The following SRBD1 variants were observed in gnomAD, a reference collection of about 807,000 sequenced individuals.
SRBD1 encodes the protein S1 RNA-binding domain-containing protein 1.
In SRBD1, 88 loss-of-function variants were observed where a neutral mutation model predicts 115.3. The ratio of observed to expected loss-of-function variants is 0.76; its 90% CI spans 0.64 to 0.91. The LOEUF (loss-of-function observed/expected upper bound fraction) is 0.91. SRBD1 is among the 40% of genes least tolerant of loss of function. The probability of loss-of-function intolerance (pLI) is 0.00; values close to 1 mark genes in which losing one functional copy is unlikely to be tolerated. For missense variants in SRBD1, 1,385 were observed against 1,177.4 expected, an observed-to-expected ratio of 1.18 and a Z score of -2.58; for synonymous variants, 509 against 407.7, an observed-to-expected ratio of 1.25 and a Z score of -2.99.
chr2:45,393,061 G>GA lies in SRBD1; in HGVS notation c.2581dup (p.Ser861PhefsTer4), dbSNP rs1283685237. On this transcript the variant is annotated frameshift_variant, in exon 20 of 21. Coordinates refer to ENST00000263736, the MANE Select transcript of SRBD1 (RefSeq NM_018079.5). LOFTEE classifies it high-confidence loss of function. Reference sequence around the variant, plus strand: ...CTCCATTCCTTCCTTTTCAAGGAATGAATTTATTTTTTGTTGCATTTCAGG... The same window carrying GA: ...CTCCATTCCTTCCTTTTCAAGGAATGAAATTTATTTTTTGTTGCATTTCAGG... The GA allele has an allele frequency of 6.2e-7, 1 of 1,613,928 alleles. No homozygotes were observed. The highest frequency in any genetic ancestry group is 2.2e-5 in the East Asian group (1 of 44,850).
At chr2:45,580,038 A>G in intron 6 of SRBD1, 25 bp from the exon 7 acceptor site, 1 of 1,465,152 alleles carries the variant, frequency 6.8e-7, no homozygotes, top group Non-Finnish European at 9.1e-7. Flanking sequence ...CAGAAAACAT[A>G]TGATTATGTT....
chr2:45,504,025 A>G (rs1445663144), intron 14 of SRBD1, among the ~76,000 whole-genome samples: 2 of 152,172 alleles, frequency 1.3e-5, no homozygotes, highest in African/African-American at 4.8e-5. Flanking sequence ...TTACTGAAGA[A>G]CTACCAAGTT....
chr2:45,475,535 T>C (rs1156364128), intron 16 of SRBD1, among the ~76,000 whole-genome samples: 1 of 152,246 alleles, frequency 6.6e-6, no homozygotes, highest in Non-Finnish European at 1.5e-5. Flanking sequence ...CTCCACTATT[T>C]ACTTAAAGAT....
chr2:45,392,962 C>T lies in SRBD1; in HGVS notation c.2681G>A (p.Ser894Asn), dbSNP rs777180637. The T allele has an allele frequency of 6.2e-7, 1 of 1,605,962 alleles. No homozygotes were observed. Among genetic ancestry groups the T allele is most frequent in the Non-Finnish European group, 8.5e-7 (1 of 1,175,858 alleles). ...VIIDGLSQPE[S>N]FDFRTDFDKP... ...CTGTTTACCTGTTCGAAAGTCAAAG[C>T]TTTCAGGCTGGCTGAGACCATCTAT... The change falls in exon 20 of 21, where the codon AGC becomes AAC. Residue 894 changes from serine to asparagine, a missense_variant. Transcript: ENST00000263736.
intron 18 of SRBD1, among the ~76,000 whole-genome samples, chr2:45,414,017 C>T (rs1667685402): frequency 6.6e-6 from 1 of 151,968 alleles, no homozygotes; most frequent in Non-Finnish European, 1.5e-5. Context: ...CTTTAAAATT[C>T]TAAAAGGCTT....
chr2:45,489,352 A>G (rs1670223246), intron 14 of SRBD1, among the ~76,000 whole-genome samples: 1 of 152,204 alleles, frequency 6.6e-6, no homozygotes, highest in East Asian at 1.9e-4. Context: ...AATGGATGAC[A>G]TGTAACGTAC....
intron 14 of SRBD1, among the ~76,000 whole-genome samples, chr2:45,520,352 T>C (rs1325569850): frequency 3.9e-5 from 6 of 152,192 alleles, no homozygotes; most frequent in African/African-American, 1.4e-4. Context: ...GTCCAGGCAG[T>C]AGTGTGAGAA....
chr2:45,607,392 T>A (rs1674307230), intron 1 of SRBD1, among the ~76,000 whole-genome samples: 1 of 152,156 alleles, frequency 6.6e-6, no homozygotes, highest in Admixed American at 6.5e-5. Flanking sequence ...CAAAAATTTA[T>A]TCCCCAATAA....
chr2:45,483,157 G>A (rs1670017224), intron 15 of SRBD1, among the ~76,000 whole-genome samples: 1 of 151,952 alleles, frequency 6.6e-6, no homozygotes, highest in Admixed American at 6.6e-5. Flanking sequence ...GTTGCATTGT[G>A]GTAGTCTAGA....
chr2:45,523,240 T>A (rs1572731555), intron 14 of SRBD1, among the ~76,000 whole-genome samples: 2 of 118,248 alleles, frequency 1.7e-5, no homozygotes, highest in Non-Finnish European at 3.6e-5. Flanking sequence ...AGAAACATCT[T>A]AAATCAATAA....
chr2:45,506,093 G>A lies in SRBD1; in HGVS notation c.1875-17762C>T, dbSNP rs181144518. Among the ~76,000 whole-genome samples the A allele has an allele frequency of 4.5e-4, 68 of 152,292 alleles. 1 individual carries two copies. The highest frequency in any genetic ancestry group is 2.9e-3 in the Admixed American group (45 of 15,302). ...TTAAGGAATATTCAAAGCAGGAGAT[G>A]CTGAAGAAGCATACAAATCAGTGAT... On this transcript the variant is annotated intron_variant, in intron 14 of 20. Coordinates refer to ENST00000263736, the MANE Select transcript of SRBD1 (RefSeq NM_018079.5).
intron 14 of SRBD1, among the ~76,000 whole-genome samples, chr2:45,544,255 T>A (rs1314709653): frequency 8.9e-5 from 13 of 145,782 alleles, no homozygotes; most frequent in East Asian, 5.9e-4. Context: ...AAAAAAAAAA[T>A]TTATATTAAT....
At chr2:45,477,845 C>T (rs1286628894) in intron 15 of SRBD1, among the ~76,000 whole-genome samples, 1 of 152,190 alleles carries the variant, frequency 6.6e-6, no homozygotes, top group Non-Finnish European at 1.5e-5. Context: ...TCTCTTAACA[C>T]ACCATAGTTC....
intron 1 of SRBD1, among the ~76,000 whole-genome samples, chr2:45,610,935 A>G (rs1674429423): frequency 6.6e-6 from 1 of 152,046 alleles, no homozygotes; most frequent in South Asian, 2.1e-4. Flanking sequence ...CTCAAAAAAA[A>G]AAAAAACAGG....
chr2:45,545,315 A>AAAAAAAAAAAC (rs1209226372), intron 14 of SRBD1, among the ~76,000 whole-genome samples: 7 of 123,618 alleles, frequency 5.7e-5, no homozygotes, highest in East Asian at 5.0e-4. Context: ...AAAAAAAAAA[A>AAAAAAAAAAAC]CAGATGAACC....
At chr2:45,575,027 T>C (rs1019934668) in intron 7 of SRBD1, among the ~76,000 whole-genome samples, 8 of 152,160 alleles carry the variant, frequency 5.3e-5, no homozygotes, top group Non-Finnish European at 1.2e-4. Flanking sequence ...GGCAACCTAC[T>C]TGACTCCTCT....
chr2:45,537,471 T>A (rs1266590976), intron 14 of SRBD1, among the ~76,000 whole-genome samples: 1 of 152,186 alleles, frequency 6.6e-6, no homozygotes, highest in Admixed American at 6.5e-5. Flanking sequence ...CACAATACTG[T>A]GCCTGTAACA....
intron 16 of SRBD1, among the ~76,000 whole-genome samples, chr2:45,459,326 G>A (rs1240061681): frequency 6.6e-6 from 1 of 152,134 alleles, no homozygotes; most frequent in African/African-American, 2.4e-5. Context: ...TAAGAGGCAG[G>A]CAATGGGCCT....
intron 14 of SRBD1, among the ~76,000 whole-genome samples, chr2:45,492,985 C>G (rs1353626268): frequency 6.6e-6 from 1 of 152,168 alleles, no homozygotes; most frequent in Non-Finnish European, 1.5e-5. Context: ...GATATAATTA[C>G]TCAACACTGA....
Sources: gnomAD v4.1 joint callset for allele counts (sites outside exome capture counted in the v4.1 genomes callset) on GRCh38, gnomAD v4.1.1 for gene constraint, MANE v1.5 for transcripts, NCBI Gene and HGNC (gene_info 2026-07-23, HGNC 2026-07-21) for gene names.